Variants in ATP6V1C1 observed in about 807,000 individuals in gnomAD.
ATP6V1C1 encodes ATPase H+ transporting V1 subunit C1, also known as V-type proton ATPase subunit C 1.
ATP6V1C1 carries 45 observed loss-of-function variants against 53.9 expected under a neutral mutation model. The ratio of observed to expected loss-of-function variants is 0.83; its 90% CI spans 0.66 to 1.07. The LOEUF (loss-of-function observed/expected upper bound fraction) is 1.07, where lower values mean the gene tolerates loss of function less well. Among genes scored for constraint, ATP6V1C1 ranks in the 50% least tolerant of loss-of-function variants. The pLI is 0.00. For missense variants in ATP6V1C1, 315 were observed against 440.3 expected (o/e 0.72, Z 2.55); for synonymous variants, 153 against 155.2 (o/e 0.99, Z 0.11).
chr8:103,064,493 T>G, intron 10 of ATP6V1C1: 1 of 367,256 alleles, frequency 2.7e-6, no homozygotes. Context: ...GTTCAATGCA[T>G]TTTAGTGTCT....
At chr8:103,044,674 C>CTT (rs35353838) in intron 3 of ATP6V1C1, among the ~76,000 whole-genome samples, 29 of 132,728 alleles carry the variant, frequency 2.2e-4, no homozygotes, top group East Asian at 1.5e-3. Context: ...AATTCTCCAA[C>CTT]TTTTTTTTTT....
chr8:103,057,149 C>A (rs917324090), intron 8 of ATP6V1C1, among the ~76,000 whole-genome samples: 3 of 152,114 alleles, frequency 2.0e-5, no homozygotes, highest in African/African-American at 7.2e-5. Flanking sequence ...AGGAGCAGAC[C>A]TGAGCAGTGG....
intron 1 of ATP6V1C1, among the ~76,000 whole-genome samples, chr8:103,024,521 T>C (rs1816661729): frequency 6.6e-6 from 1 of 152,250 alleles, no homozygotes; most frequent in South Asian, 2.1e-4. Context: ...TTGGTTCTGC[T>C]TAGGAGTACT....
chr8:103,036,908 T>C (rs1288584254), intron 1 of ATP6V1C1, among the ~76,000 whole-genome samples: 1 of 152,208 alleles, frequency 6.6e-6, no homozygotes, highest in Non-Finnish European at 1.5e-5. Flanking sequence ...TCCTTTGATA[T>C]ACTAACAGAA....
At chr8:103,023,280 C>CTTT (rs576209249) in intron 1 of ATP6V1C1, among the ~76,000 whole-genome samples, 3 of 113,088 alleles carry the variant, frequency 2.7e-5, no homozygotes, top group Non-Finnish European at 3.7e-5. Context: ...CAGGTTGTGG[C>CTTT]TTTTTTTTTT....
intron 1 of ATP6V1C1, among the ~76,000 whole-genome samples, chr8:103,036,877 G>A (rs546307977): frequency 2.0e-5 from 3 of 152,258 alleles, no homozygotes; most frequent in Admixed American, 6.5e-5. Flanking sequence ...ATTTTGGGGG[G>A]AGAGGAGGTA....
At chr8:103,028,815 G>A (rs990627325) in intron 1 of ATP6V1C1, among the ~76,000 whole-genome samples, 23 of 152,142 alleles carry the variant, frequency 1.5e-4, no homozygotes, top group Admixed American at 1.3e-3. Context: ...TAAAAGGGCC[G>A]TTTACCAACT....
At chr8:103,054,934 G>A (rs1416121198) in intron 7 of ATP6V1C1, among the ~76,000 whole-genome samples, 1 of 152,080 alleles carries the variant, frequency 6.6e-6, no homozygotes, top group Non-Finnish European at 1.5e-5. Flanking sequence ...AGTGGCTACA[G>A]TAGTATCTCA....
At chr8:103,062,161 G>GTTTTTTTTT (rs767825523) in intron 8 of ATP6V1C1, among the ~76,000 whole-genome samples, 1 of 70,744 alleles carries the variant, frequency 1.4e-5, no homozygotes, top group African/African-American at 5.9e-5. Flanking sequence ...GTTCATCAGG[G>GTTTTTTTTT]TTTTTTTTTT....
chr8:103,052,930 A>C (rs1218226911), intron 6 of ATP6V1C1, 108 bp downstream of exon 6: 1 of 628,002 alleles, frequency 1.6e-6, no homozygotes, highest in African/African-American at 1.9e-5. Context: ...GTTGTTCTGT[A>C]ATCAAAATGG....
chr8:103,060,372 T>A (rs1453916348), intron 8 of ATP6V1C1, among the ~76,000 whole-genome samples: 7 of 152,252 alleles, frequency 4.6e-5, no homozygotes. Flanking sequence ...CTCTTTTTTG[T>A]CTTTCTTTCA....
chr8:103,045,030 C>A (rs1197087253), intron 3 of ATP6V1C1, among the ~76,000 whole-genome samples: 1 of 152,170 alleles, frequency 6.6e-6, no homozygotes. Context: ...TTGGCAGAAT[C>A]AGTCTACAGT....
At chr8:103,033,882 C>G (rs991525348) in intron 1 of ATP6V1C1, among the ~76,000 whole-genome samples, 3 of 152,126 alleles carry the variant, frequency 2.0e-5, no homozygotes, top group African/African-American at 7.2e-5. Flanking sequence ...TTTGACAGTT[C>G]TAATTGTCTA....
In ATP6V1C1 at chr8:103,070,540, C is replaced by G. The variant is rs1343893290; in HGVS notation, c.*1793C>G. ...GCACATGTTCTTTGAGTCTTAGTAT[C>G]TGTAACGTGGCGCTACTCTCTCTAT... is the stretch of plus-strand genomic sequence containing the variant. On this transcript the variant is annotated 3_prime_UTR_variant, in exon 13 of 13. Transcript: ENST00000518738. 1 of 152,172 alleles carries G rather than the reference C, an allele frequency of 6.6e-6. No homozygotes were observed. Among genetic ancestry groups the G allele is most frequent in the Non-Finnish European group, 1.5e-5 (1 of 68,034 alleles). 9.4% of individuals were successfully genotyped at this position (152,172 alleles called of 1,614,324 possible). A position where few individuals can be genotyped will look rare whatever the true frequency, so the allele number is the denominator to read the frequency against.
intron 1 of ATP6V1C1, among the ~76,000 whole-genome samples, chr8:103,032,372 T>C (rs543766794): frequency 6.6e-6 from 1 of 152,362 alleles, no homozygotes; most frequent in Admixed American, 6.5e-5. Flanking sequence ...CACTAAGTGT[T>C]GGTGGAGCAT....
chr8:103,050,919 C>T lies in ATP6V1C1; in HGVS notation c.287-131C>T, dbSNP rs1817188898. On this transcript the variant is annotated intron_variant, in intron 4 of 12. Coordinates refer to ENST00000518738, the MANE Select transcript of ATP6V1C1 (RefSeq NM_001695.5). ...TTACTTAATATAGTTCACATTTAAT[C>T]AGGATTCTTCAGAAATGACATCTTT... 8 of 656,948 alleles carry T rather than the reference C, an allele frequency of 1.2e-5. No individual in the cohort carries two copies. In the East Asian group the frequency reaches 1.7e-4, roughly 14 times the overall value. 40.7% of individuals were successfully genotyped at this position (656,948 alleles called of 1,614,324 possible).
intron 1 of ATP6V1C1, among the ~76,000 whole-genome samples, chr8:103,025,756 T>C (rs1051024298): frequency 1.3e-5 from 2 of 152,230 alleles, no homozygotes; most frequent in Non-Finnish European, 2.9e-5. Flanking sequence ...ACAAAATTGC[T>C]TTAGTAGATG....
chr8:103,055,992 G>C (rs1446442982), intron 8 of ATP6V1C1, 56 bp downstream of exon 8: 1 of 1,533,490 alleles, frequency 6.5e-7, no homozygotes, highest in Middle Eastern at 1.7e-4. Context: ...TTAGAGTTTG[G>C]ATGTTGGCTT....
intron 1 of ATP6V1C1, among the ~76,000 whole-genome samples, chr8:103,037,185 C>T (rs1586312316): frequency 1.3e-5 from 2 of 152,086 alleles, no homozygotes; most frequent in South Asian, 2.1e-4. Context: ...TATAGGTCCA[C>T]GAGATTTCAG....
Sources: gnomAD v4.1 joint callset for allele counts (sites outside exome capture counted in the v4.1 genomes callset) on GRCh38, gnomAD v4.1.1 for gene constraint, MANE v1.5 for transcripts, NCBI Gene and HGNC (gene_info 2026-07-23, HGNC 2026-07-21) for gene names.